The following MACROD2 variants were observed in gnomAD, a reference collection of about 807,000 sequenced individuals.
The protein encoded by MACROD2 is ADP-ribose glycohydrolase MACROD2.
Under a neutral mutation model 70.4 loss-of-function variants are expected in MACROD2, and 36 were observed. The ratio of observed to expected loss-of-function variants is 0.51; its 90% CI spans 0.39 to 0.68. The LOEUF is 0.68. Ranked by LOEUF, MACROD2 falls within the 30% of genes least tolerant of loss-of-function variation. The pLI is 0.00. For synonymous variants in MACROD2, 172 were observed against 178.8 expected (o/e 0.96, Z 0.30); for missense variants, 496 against 538.4 (o/e 0.92, Z 0.78).
In MACROD2 at chr20:14,321,852, A is replaced by G. The variant is rs529605581; in HGVS notation, c.272-171627A>G. On this transcript the variant is annotated intron_variant, in intron 3 of 17. Coordinates refer to ENST00000684519, the MANE Select transcript of MACROD2 (RefSeq NM_001351661.2). ...GATAGAGCACAGTGTCATTTTTAAT[A>G]GGGAGCAAGAATAAGTGCAGTGATT... Among the ~76,000 whole-genome samples the G allele has an allele frequency of 3.9e-5, 6 of 152,300 alleles. No homozygotes were observed. The South Asian group carries it at 1.2e-3, about 32-fold the overall frequency.
chr20:14,226,820 C>T (rs2081740643), intron 3 of MACROD2, among the ~76,000 whole-genome samples: 1 of 152,230 alleles, frequency 6.6e-6, no homozygotes, highest in Non-Finnish European at 1.5e-5. Flanking sequence ...GCGGCCAAGC[C>T]TCCCCGATGA....
chr20:14,204,402 T>C (rs1165457197), intron 3 of MACROD2, among the ~76,000 whole-genome samples: 1 of 152,134 alleles, frequency 6.6e-6, no homozygotes, highest in Admixed American at 6.5e-5. Context: ...GCAGGAGCTG[T>C]TGGGTCCTAG....
intron 3 of MACROD2, among the ~76,000 whole-genome samples, chr20:14,430,901 CAG>C (rs1188330665): frequency 6.6e-6 from 1 of 152,126 alleles, no homozygotes; most frequent in Non-Finnish European, 1.5e-5. Flanking sequence ...GAAGTCCAGC[CAG>C]AGTCTCAGAC....
intron 12 of MACROD2, among the ~76,000 whole-genome samples, chr20:15,939,028 A>C (rs1487637215): frequency 2.0e-5 from 3 of 152,234 alleles, no homozygotes; most frequent in Non-Finnish European, 4.4e-5. Flanking sequence ...GAAGTGAGAA[A>C]GCTGCAAAAG....
chr20:14,926,175 T>A (rs896479322), intron 5 of MACROD2, among the ~76,000 whole-genome samples: 1 of 152,150 alleles, frequency 6.6e-6, no homozygotes, highest in African/African-American at 2.4e-5. Context: ...TTTGTTTGTT[T>A]GTTTGTTTGT....
intron 5 of MACROD2, among the ~76,000 whole-genome samples, chr20:14,896,703 C>G (rs765713081): frequency 2.0e-5 from 3 of 151,744 alleles, no homozygotes; most frequent in African/African-American, 7.3e-5. Flanking sequence ...GCAATTCTAC[C>G]AGTTATATGG....
In MACROD2 at chr20:14,470,985, G is replaced by T. The variant is rs184562059; in HGVS notation, c.272-22494G>T. 1.7e-3 allele frequency among the ~76,000 whole-genome samples: 262 copies of T among 152,280 alleles called. 2 individuals carry two copies. Among genetic ancestry groups the T allele is most frequent in the African/African-American group, 6.1e-3 (253 of 41,572 alleles). On this transcript the variant is annotated intron_variant, in intron 3 of 17. Coordinates refer to ENST00000684519, the MANE Select transcript of MACROD2 (RefSeq NM_001351661.2). ...CCACTGGGGTATGTAAAAAACTCTT[G>T]CAGGTAGCTCGGTGTCTTCCCAAAA...
intron 5 of MACROD2, among the ~76,000 whole-genome samples, chr20:15,072,733 C>G (rs911761126): frequency 6.6e-6 from 1 of 152,134 alleles, no homozygotes; most frequent in Non-Finnish European, 1.5e-5. Context: ...ATATTTTACT[C>G]AATATTAAAC....
intron 6 of MACROD2, among the ~76,000 whole-genome samples, chr20:15,402,969 G>GTT (rs113940680): frequency 4.0e-5 from 6 of 150,560 alleles, no homozygotes; most frequent in African/African-American, 1.2e-4. Context: ...TTTGTTTTTT[G>GTT]TTTTTTTTTG....
At chr20:15,304,585 A>G (rs1600221240) in intron 6 of MACROD2, among the ~76,000 whole-genome samples, 2 of 152,046 alleles carry the variant, frequency 1.3e-5, no homozygotes, top group Admixed American at 1.3e-4. Context: ...TTCTGCCTTT[A>G]CTACATGCCC....
chr20:15,637,084 A>T (rs1247286095), intron 8 of MACROD2, among the ~76,000 whole-genome samples: 1 of 152,176 alleles, frequency 6.6e-6, no homozygotes, highest in African/African-American at 2.4e-5. Flanking sequence ...CCTGAAGTTT[A>T]TAGGATGCTC....
At position 14,711,506 on chromosome 20, in the gene MACROD2, A is replaced by T. The variant is rs562002569; in HGVS notation, c.418+26547A>T. 9.8e-5 allele frequency among the ~76,000 whole-genome samples: 15 copies of T among 152,290 alleles called. No homozygotes were observed. In the South Asian group the frequency reaches 3.1e-3, roughly 32 times the overall value. ...TTATTAATCCTAAAGACCAGGTGAT[A>T]GTTTATATATTCTTGAAGGCTTTAA... On this transcript the variant is annotated intron_variant, in intron 5 of 17. Coordinates refer to ENST00000684519, the MANE Select transcript of MACROD2 (RefSeq NM_001351661.2).
chr20:14,919,518 T>C (rs1262971459), intron 5 of MACROD2, among the ~76,000 whole-genome samples: 2 of 152,214 alleles, frequency 1.3e-5, no homozygotes, highest in Non-Finnish European at 2.9e-5. Context: ...GCAAGCAATT[T>C]ATTCCTGCCT....
At chr20:15,210,269 C>A (rs2145945510) in intron 5 of MACROD2, among the ~76,000 whole-genome samples, 1 of 152,334 alleles carries the variant, frequency 6.6e-6, no homozygotes, top group South Asian at 2.1e-4. Flanking sequence ...GTAAGAAAGG[C>A]AGTCACAGAG....
At chr20:16,039,785 T>C (rs1473247523) in intron 15 of MACROD2, among the ~76,000 whole-genome samples, 2 of 151,968 alleles carry the variant, frequency 1.3e-5, no homozygotes, top group African/African-American at 4.8e-5. Flanking sequence ...GTTCCAAGTT[T>C]TGTTTTTCCT....
chr20:14,709,374 A>C (rs2071310215), intron 5 of MACROD2, among the ~76,000 whole-genome samples: 1 of 152,152 alleles, frequency 6.6e-6, no homozygotes, highest in Non-Finnish European at 1.5e-5. Context: ...ACATGCTTCA[A>C]GGATGCACAC....
At chr20:14,222,280 A>G (rs920860650) in intron 3 of MACROD2, among the ~76,000 whole-genome samples, 4 of 152,218 alleles carry the variant, frequency 2.6e-5, no homozygotes, top group Non-Finnish European at 4.4e-5. Flanking sequence ...GGTAGTATCT[A>G]TACACAATGG....
At chr20:15,460,916 A>G (rs931542271) in intron 7 of MACROD2, among the ~76,000 whole-genome samples, 2 of 149,234 alleles carry the variant, frequency 1.3e-5, no homozygotes, top group African/African-American at 4.9e-5. Context: ...GATGTGGAGA[A>G]GATGAATGAG....
intron 3 of MACROD2, among the ~76,000 whole-genome samples, chr20:14,175,374 T>C (rs1184456075): frequency 6.6e-6 from 1 of 152,238 alleles, no homozygotes; most frequent in Non-Finnish European, 1.5e-5. Flanking sequence ...ATTGCTGTGC[T>C]AATGAAGTGT....
Sources: allele counts gnomAD v4.1 joint callset (sites outside exome capture counted in the v4.1 genomes callset), GRCh38; gene constraint gnomAD v4.1.1; transcripts MANE v1.5; gene names NCBI Gene and HGNC (gene_info 2026-07-23, HGNC 2026-07-21).